HCN4: variants seen among roughly 807,000 people sequenced by gnomAD.
HCN4 encodes potassium/sodium hyperpolarization-activated cyclic nucleotide-gated channel 4.
HCN4 carries 29 observed loss-of-function variants against 76.9 expected under a neutral mutation model. The observed-to-expected ratio is 0.38, with a 90% CI of 0.28 to 0.51. HCN4 has a LOEUF of 0.51. HCN4 is among the 20% of genes least tolerant of loss of function. HCN4 has a pLI of 0.90. For synonymous variants in HCN4, 772 were observed against 762.5 expected, an observed-to-expected ratio of 1.01 and a Z score of -0.21; for missense variants, 1,416 against 1,715.2, an observed-to-expected ratio of 0.83 and a Z score of 3.08.
At position 73,324,974 on chromosome 15, in the gene HCN4, G is replaced by A. The variant is rs371293769; in HGVS notation, c.1959C>T (p.Ala653=). ...LTKGNKETKL[A]DGSYFGEICL... ...CCTCACCTCCAAAGTAGGAGCCGTC[G>A]GCCAGCTTGGTCTCCTTGTTGCCCT... The change falls in exon 6 of 8, where the codon GCC becomes GCT. Residue 653 remains alanine, a synonymous_variant. Transcript: ENST00000261917. 9.9e-6 allele frequency: 16 copies of A among 1,613,948 alleles called. No homozygotes were observed. The highest frequency in any genetic ancestry group is 2.7e-5 in the African/African-American group (2 of 74,904).
At position 73,323,474 on chromosome 15, in the gene HCN4, T is replaced by A. The variant is rs772599794; in HGVS notation, c.2619A>T (p.Pro873=). ...AGFSAPAGLS[P]LLPSSSSSPP... ...GGGAGGAGCTGGATGAGGGCAGGAGTGGGCTCAGTCCAGCGGGGGCAGAGA... is the reference window on the plus strand; with the variant it reads ...GGGAGGAGCTGGATGAGGGCAGGAGAGGGCTCAGTCCAGCGGGGGCAGAGA... The change falls in exon 8 of 8, where the codon CCA becomes CCT. Residue 873 remains proline (P), a synonymous_variant. Transcript: ENST00000261917. 7 of 1,604,746 alleles carry A rather than the reference T, an allele frequency of 4.4e-6. No individual in the cohort carries two copies. In the African/African-American group the frequency reaches 9.4e-5, roughly 22 times the overall value.
At chr15:73,335,872 G>T (rs751804773) in intron 2 of HCN4, among the ~76,000 whole-genome samples, 3 of 152,140 alleles carry the variant, frequency 2.0e-5, no homozygotes, top group Non-Finnish European at 4.4e-5. Context: ...GGGTCTCGGG[G>T]CAGTACCCTT....
chr15:73,323,251 C>T lies in HCN4; in HGVS notation c.2842G>A (p.Ala948Thr), dbSNP rs779720834. The T allele has an allele frequency of 3.9e-6, 6 of 1,523,324 alleles. No homozygotes were observed. Among genetic ancestry groups the T allele is most frequent in the African/African-American group, 1.4e-5 (1 of 73,250 alleles). The allele number at this position is 1,523,324 out of a possible 1,614,324, so 94.4% of individuals were successfully genotyped here. ...AAQPSPAPPGARGGLGLPEHF... is the reference protein window; with the variant it reads ...AAQPSPAPPGTRGGLGLPEHF... ...TCCGGGAGTCCCAGGCCTCCCCGGG[C>T]CCCGGGTGGCGCGGGAGATGGCTGG... The change falls in exon 8 of 8, where the codon GCC (alanine) becomes ACC (threonine). Residue 948 changes from alanine (A) to threonine (T), a missense_variant. Physicochemically the swap from Ala to Thr is moderately conservative, Grantham distance 58 (BLOSUM62 0). Around this residue, in one of 6 missense-constraint regions of HCN4, gnomAD observed 633 missense variants for 579.8 expected, o/e 1.09. Transcript: ENST00000261917.
At chr15:73,358,611 A>T (rs2043091623) in intron 1 of HCN4, among the ~76,000 whole-genome samples, 1 of 152,184 alleles carries the variant, frequency 6.6e-6, no homozygotes, top group Non-Finnish European at 1.5e-5. Flanking sequence ...CACCACACGT[A>T]CTCAGATGGC....
chr15:73,359,246 C>CCGGCA (rs2043094617), intron 1 of HCN4, among the ~76,000 whole-genome samples: 1 of 152,196 alleles, frequency 6.6e-6, no homozygotes, highest in Non-Finnish European at 1.5e-5. Context: ...CCCTATCCAG[C>CCGGCA]CGGCACGGCT....
Position 73,368,173 on chromosome 15 carries a change from T to G in HCN4, c.98A>C (p.Glu33Ala). 6.5e-7 allele frequency: 1 copy of G among 1,530,528 alleles called. No individual in the cohort carries two copies. The allele number at this position is 1,530,528 out of a possible 1,614,324, so 94.8% of individuals were successfully genotyped here. The change falls in exon 1 of 8, where the codon GAG (glutamate) becomes GCG (alanine). Residue 33 changes from glutamate (E) to alanine (A), a missense_variant. Glu to Ala is a moderately radical substitution (Grantham distance 107). Coordinates refer to ENST00000261917, the MANE Select transcript of HCN4 (RefSeq NM_005477.3). The surrounding 1 kb of genome is among the most constrained non-coding windows in gnomAD (Gnocchi z 6.9). ...AWIMDEEEDA[E>A]EEGAGGRQDP... Reference sequence around the variant, plus strand: ...TTGGCGGCCCCCGGCCCCCTCCTCCTCGGCGTCCTCTTCCTCGTCCATGAT... The same window carrying G: ...TTGGCGGCCCCCGGCCCCCTCCTCCGCGGCGTCCTCTTCCTCGTCCATGAT...
intron 2 of HCN4, among the ~76,000 whole-genome samples, chr15:73,341,613 C>G (rs1471487196): frequency 1.3e-5 from 2 of 152,150 alleles, no homozygotes; most frequent in African/African-American, 4.8e-5. Context: ...TAACTTGGGT[C>G]TTAAATGCGC....
At chr15:73,362,809 A>G (rs1311732987) in intron 1 of HCN4, among the ~76,000 whole-genome samples, 1 of 152,090 alleles carries the variant, frequency 6.6e-6, no homozygotes, top group African/African-American at 2.4e-5. Flanking sequence ...GGAGAAGGTA[A>G]CCCCCATCCT....
intron 4 of HCN4, among the ~76,000 whole-genome samples, chr15:73,326,280 C>CG (rs1054268483): frequency 6.6e-6 from 1 of 152,136 alleles, no homozygotes; most frequent in Non-Finnish European, 1.5e-5. Flanking sequence ...CAATCAGAAA[C>CG]GGGGCAGCCT....
In HCN4 at chr15:73,367,683, G is replaced by A. The variant is rs1397945798; in HGVS notation, c.588C>T (p.Ala196=). 3 of 1,601,356 alleles carry A rather than the reference G, an allele frequency of 1.9e-6. No homozygotes were observed. The highest frequency in any genetic ancestry group is 3.3e-5 in the Admixed American group (2 of 59,950). Residue 196 remains alanine, a synonymous_variant, in exon 1 of 8, where the codon GCC becomes GCT. Coordinates refer to ENST00000261917, the MANE Select transcript of HCN4 (RefSeq NM_005477.3). The surrounding 1 kb of genome is among the most constrained non-coding windows in gnomAD (Gnocchi z 7.5). ...CGGCCTCCGGGAGGATCTGGTCGCCGGCAGCCGCGCCTCCCTCCACTTTGA... is the reference window on the plus strand; with the variant it reads ...CGGCCTCCGGGAGGATCTGGTCGCCAGCAGCCGCGCCTCCCTCCACTTTGA... ...TAIKVEGGAA[A]GDQILPEAEV...
intron 1 of HCN4, among the ~76,000 whole-genome samples, chr15:73,350,540 C>T (rs2043051288): frequency 6.6e-6 from 1 of 152,180 alleles, no homozygotes; most frequent in African/African-American, 2.4e-5. Context: ...ATTCCTCTCT[C>T]CTCAAAGCTC....
chr15:73,342,471 A>C (rs955670121), intron 2 of HCN4: 2 of 152,290 alleles, frequency 1.3e-5, no homozygotes, highest in African/African-American at 4.8e-5. Context: ...GAGGGCTGGC[A>C]GTGCCTTGAA....
chr15:73,325,192 TCTC>T lies in HCN4; in HGVS notation c.1738_1740del (p.Glu580del). 6.2e-7 allele frequency: 1 copy of T among 1,613,926 alleles called. No individual in the cohort carries two copies. The highest frequency in any genetic ancestry group is 8.5e-7 in the Non-Finnish European group (1 of 1,179,930). ...AGCTTCCGACAGTTAAAGTTGATGA[TCTC>T]CTGCCGGACAGGGTGGATTGGGACA... On this transcript the variant is annotated inframe_deletion and splice_region_variant, in exon 6 of 8. Transcript: ENST00000261917. This position sits in a 1 kb window ranked among gnomAD's most constrained non-coding sequence, Gnocchi z 7.4.
At chr15:73,337,233 G>A (rs1025164689) in intron 2 of HCN4, among the ~76,000 whole-genome samples, 2 of 152,234 alleles carry the variant, frequency 1.3e-5, no homozygotes, top group African/African-American at 4.8e-5. Context: ...CCTTCCTGGA[G>A]TTCTCACTAT....
Position 73,325,163 on chromosome 15 carries a change from C to T in HCN4, c.1770G>A (p.Val590=). ...CATTGGCAAACAGTGGCATGGAGGC[C>T]ACCAGCTTCCGACAGTTAAAGTTGA... ...EIINFNCRKL[V]ASMPLFANAD... The change falls in exon 6 of 8, where the codon GTG becomes GTA. Residue 590 remains valine (V), a synonymous_variant. Coordinates refer to ENST00000261917, the MANE Select transcript of HCN4 (RefSeq NM_005477.3). The surrounding 1 kb of genome is among the most constrained non-coding windows in gnomAD (Gnocchi z 7.4). The T allele has an allele frequency of 6.2e-7, 1 of 1,614,174 alleles. No homozygotes were observed. The highest frequency in any genetic ancestry group is 1.6e-4 in the Middle Eastern group (1 of 6,062).
chr15:73,345,216 G>C (rs1005964983), intron 1 of HCN4, among the ~76,000 whole-genome samples: 3 of 152,214 alleles, frequency 2.0e-5, no homozygotes, highest in Non-Finnish European at 4.4e-5. Context: ...TCAAAATGGG[G>C]CTGTGATTCA....
At chr15:73,344,384 C>A (rs1190179008) in intron 1 of HCN4, among the ~76,000 whole-genome samples, 2 of 152,198 alleles carry the variant, frequency 1.3e-5, no homozygotes, top group African/African-American at 4.8e-5. Flanking sequence ...CTATTCTGGG[C>A]CTCAGTTTCC....
intron 2 of HCN4, among the ~76,000 whole-genome samples, chr15:73,339,850 G>T (rs11639277): frequency 0.069 from 10,512 of 152,224 alleles, 431 homozygotes; most frequent in Middle Eastern, 0.075. Flanking sequence ...CCTGGGGCCA[G>T]CTGGGAAACC....
chr15:73,367,412 G>GGGAGGCAGGGTCAGGA lies in HCN4; in HGVS notation c.785+58_785+73dup, dbSNP rs2043133279. Reference sequence around the variant, plus strand: ...CAAGGCAGGAAAGTTAACTCCGGCTGGGAGGCAGGGTCAGGAGGAGGCATG... The same window carrying GGGAGGCAGGGTCAGGA: ...CAAGGCAGGAAAGTTAACTCCGGCTGGGAGGCAGGGTCAGGAGGAGGCAGGGTCAGGAGGAGGCATG... On this transcript the variant is annotated intron_variant, in intron 1 of 7. Transcript: ENST00000261917. This position sits in a 1 kb window ranked among gnomAD's most constrained non-coding sequence, Gnocchi z 7.5. 1 of 1,604,734 alleles carries GGGAGGCAGGGTCAGGA rather than the reference G, an allele frequency of 6.2e-7. No individual in the cohort carries two copies. Among genetic ancestry groups the GGGAGGCAGGGTCAGGA allele is most frequent in the Non-Finnish European group, 8.5e-7 (1 of 1,176,456 alleles).
Sources: allele counts gnomAD v4.1 joint callset (sites outside exome capture counted in the v4.1 genomes callset), GRCh38; gene constraint gnomAD v4.1.1; regional missense constraint gnomAD v4.1.1; non-coding constraint Gnocchi (gnomAD v3.1); transcripts MANE v1.5; gene names NCBI Gene and HGNC (gene_info 2026-07-23, HGNC 2026-07-21).